Variants in CADPS2 observed in about 807,000 individuals in gnomAD.
CADPS2 encodes calcium dependent secretion activator 2.
CADPS2 carries 93 observed loss-of-function variants against 172.5 expected under a neutral mutation model. The observed-to-expected ratio is 0.54, with a 90% CI of 0.46 to 0.64. The LOEUF (loss-of-function observed/expected upper bound fraction) is 0.64, where lower values mean the gene tolerates loss of function less well. Among genes scored for constraint, CADPS2 ranks in the 30% least tolerant of loss-of-function variants. The probability of loss-of-function intolerance (pLI) is 0.00; values close to 1 mark genes in which losing one functional copy is unlikely to be tolerated. For missense variants in CADPS2, 1,420 were observed against 1,565.9 expected (o/e 0.91, Z 1.57); for synonymous variants, 546 against 555.2 (o/e 0.98, Z 0.23).
At chr7:122,490,038 A>G (rs2058148930) in intron 11 of CADPS2, 43 bp downstream of exon 11, 1 of 1,533,306 alleles carries the variant, frequency 6.5e-7, no homozygotes, top group Non-Finnish European at 9.0e-7. Flanking sequence ...TATCTTATTA[A>G]GGCTATTAAT....
In CADPS2 at chr7:122,720,154, G is replaced by A. The variant is rs373685887; in HGVS notation, c.453+16801C>T. ...ACCAATAGAACGTCATACTAAAAGT[G>A]TCAATCAGACCTAACGAGTCATTCT... On this transcript the variant is annotated intron_variant, in intron 2 of 29. Coordinates refer to ENST00000449022, the MANE Select transcript of CADPS2 (RefSeq NM_017954.11). Among the ~76,000 whole-genome samples the A allele has an allele frequency of 5.9e-5, 9 of 152,160 alleles. No homozygotes were observed. In the East Asian group the frequency reaches 1.4e-3, roughly 23 times the overall value.
intron 8 of CADPS2, among the ~76,000 whole-genome samples, chr7:122,527,617 A>AGAGAGAGAGTGT: frequency 6.3e-4 from 53 of 83,870 alleles, no homozygotes; most frequent in Admixed American, 1.4e-3. Context: ...AGAGAGAGAG[A>AGAGAGAGAGTGT]GTGTGTGTGT....
At chr7:122,349,838 G>A (rs995759521) in intron 27 of CADPS2, among the ~76,000 whole-genome samples, 5 of 152,118 alleles carry the variant, frequency 3.3e-5, no homozygotes, top group South Asian at 2.1e-4. Context: ...GCAAGTCTTC[G>A]CTTTCCCTAT....
At chr7:122,394,564 G>A (rs1311616356) in intron 20 of CADPS2, among the ~76,000 whole-genome samples, 1 of 152,164 alleles carries the variant, frequency 6.6e-6, no homozygotes, top group East Asian at 1.9e-4. Context: ...TGAAGAGACA[G>A]AAGAACCTTC....
intron 2 of CADPS2, among the ~76,000 whole-genome samples, chr7:122,706,822 A>G (rs1280677010): frequency 1.3e-5 from 2 of 150,054 alleles, no homozygotes; most frequent in African/African-American, 2.4e-5. Context: ...ATATATATAT[A>G]TGTATGTACA....
At chr7:122,825,673 T>G (rs555168899) in intron 1 of CADPS2, among the ~76,000 whole-genome samples, 2 of 152,288 alleles carry the variant, frequency 1.3e-5, no homozygotes, top group African/African-American at 4.8e-5. Context: ...TATCTTTACA[T>G]TCTTTAACTT....
intron 20 of CADPS2, among the ~76,000 whole-genome samples, chr7:122,399,896 G>C (rs2045723253): frequency 6.8e-6 from 1 of 147,784 alleles, no homozygotes; most frequent in African/African-American, 2.5e-5. Context: ...CCGTGGTCTC[G>C]ATCTCCTGAC....
intron 8 of CADPS2, among the ~76,000 whole-genome samples, chr7:122,516,631 TA>T (rs952661690): frequency 2.6e-4 from 40 of 151,940 alleles, no homozygotes; most frequent in African/African-American, 9.4e-4. Context: ...AATCAAAAAT[TA>T]AAAAATAATA....
chr7:122,702,060 C>T (rs749118557), intron 2 of CADPS2: 9 of 1,613,640 alleles, frequency 5.6e-6, no homozygotes, highest in Non-Finnish European at 7.6e-6. Context: ...TTCTTCACAT[C>T]TGTCTTTATT....
chr7:122,803,540 G>C (rs942266313), intron 1 of CADPS2, among the ~76,000 whole-genome samples: 1 of 152,190 alleles, frequency 6.6e-6, no homozygotes, highest in African/African-American at 2.4e-5. Context: ...ATGTGACAAA[G>C]CCATAAATCA....
intron 8 of CADPS2, among the ~76,000 whole-genome samples, chr7:122,528,510 T>C (rs912885320): frequency 1.5e-4 from 23 of 152,136 alleles, no homozygotes; most frequent in Admixed American, 5.9e-4. Context: ...CTCTCTCATG[T>C]ATCTTTATTT....
chr7:122,788,034 T>C (rs1258596480), intron 1 of CADPS2, among the ~76,000 whole-genome samples: 1 of 152,084 alleles, frequency 6.6e-6, no homozygotes, highest in African/African-American at 2.4e-5. Flanking sequence ...AAGAGCACAC[T>C]ATGGGAGACT....
At chr7:122,522,092 T>TC (rs1173273144) in intron 8 of CADPS2, among the ~76,000 whole-genome samples, 1 of 152,104 alleles carries the variant, frequency 6.6e-6, no homozygotes, top group African/African-American at 2.4e-5. Flanking sequence ...TTCTTTTTTT[T>TC]CTCTTTTTGC....
chr7:122,716,282 A>G (rs2089586379), intron 2 of CADPS2, among the ~76,000 whole-genome samples: 1 of 152,090 alleles, frequency 6.6e-6, no homozygotes, highest in African/African-American at 2.4e-5. Flanking sequence ...CTGGGGTACT[A>G]TCTAACATGT....
At chr7:122,698,667 A>AT in intron 2 of CADPS2, 1 of 1,613,932 alleles carries the variant, frequency 6.2e-7, no homozygotes, top group Non-Finnish European at 8.5e-7. Context: ...GATTACATGC[A>AT]TTTTGGATTT....
intron 8 of CADPS2, among the ~76,000 whole-genome samples, chr7:122,529,032 A>G (rs1174565273): frequency 2.0e-5 from 3 of 152,118 alleles, no homozygotes; most frequent in Non-Finnish European, 4.4e-5. Context: ...TAAGACAATT[A>G]TTTTCTATTT....
intron 2 of CADPS2, among the ~76,000 whole-genome samples, chr7:122,708,847 G>A (rs1408335816): frequency 1.3e-5 from 2 of 151,742 alleles, no homozygotes; most frequent in African/African-American, 4.8e-5. Context: ...AAGTAACGGG[G>A]GGAAAAATTC....
chr7:122,674,084 T>C (rs2082152314), intron 2 of CADPS2, among the ~76,000 whole-genome samples: 1 of 152,080 alleles, frequency 6.6e-6, no homozygotes, highest in Non-Finnish European at 1.5e-5. Flanking sequence ...CTAAACCCCT[T>C]ACTTCCCGGG....
chr7:122,338,680 A>C (rs1437882145), intron 28 of CADPS2, among the ~76,000 whole-genome samples: 1 of 152,202 alleles, frequency 6.6e-6, no homozygotes, highest in African/African-American at 2.4e-5. Flanking sequence ...ACCATATAAC[A>C]ACTATACAGT....
Sources: allele counts gnomAD v4.1 joint callset (sites outside exome capture counted in the v4.1 genomes callset), GRCh38; gene constraint gnomAD v4.1.1; transcripts MANE v1.5; gene names NCBI Gene and HGNC (gene_info 2026-07-23, HGNC 2026-07-21).